The following EPC2 variants were observed in gnomAD, a reference collection of about 807,000 sequenced individuals.
EPC2 encodes enhancer of polycomb 2.
A neutral mutation model predicts 92.1 loss-of-function variants in EPC2; 14 were observed. That is an observed-to-expected ratio of 0.15 (90% CI 0.10 to 0.24). The LOEUF (loss-of-function observed/expected upper bound fraction) is 0.24. Among genes scored for constraint, EPC2 ranks in the 10% least tolerant of loss-of-function variants. The probability of loss-of-function intolerance (pLI) is 1.00; values close to 1 mark genes in which losing one functional copy is unlikely to be tolerated. For missense variants in EPC2, 755 were observed against 971.5 expected (o/e 0.78, Z 2.96); for synonymous variants, 340 against 334.7 (o/e 1.02, Z -0.17).
At position 148,745,723 on chromosome 2, in the gene EPC2, C is replaced by T. The variant is rs187973842; in HGVS notation, c.459+1956C>T. ...AGATAACAAAGGGCTATCTTCATTC[C>T]ATTCCCTGATCTGTTAATTTATGGA... On this transcript the variant is annotated intron_variant, in intron 3 of 13. Transcript: ENST00000258484. 3.9e-5 allele frequency among the ~76,000 whole-genome samples: 6 copies of T among 152,192 alleles called. No individual in the cohort carries two copies. In the East Asian group the frequency reaches 1.2e-3, roughly 29 times the overall value.
At chr2:148,710,939 C>T (rs955478154) in intron 2 of EPC2, among the ~76,000 whole-genome samples, 1 of 152,106 alleles carries the variant, frequency 6.6e-6, no homozygotes, top group Non-Finnish European at 1.5e-5. Context: ...CATACACACA[C>T]ACAATCTCCC....
In EPC2 at chr2:148,743,674, G is replaced by A; in HGVS notation, c.366G>A (p.Glu122=). The stretch of plus-strand genomic sequence containing the variant: ...ATTATGATATGGATTCAGAAGATGA[G>A]ACTTTATTAAATAGACTTAACAGAA... ...QPDYDMDSED[E]TLLNRLNRKM... is the part of the protein sequence containing the mutation. Residue 122 remains glutamate (E), a synonymous_variant, in exon 3 of 14, where the codon GAG becomes GAA. Transcript: ENST00000258484. 1 of 1,601,950 alleles carries A rather than the reference G, an allele frequency of 6.2e-7. No individual in the cohort carries two copies. Among genetic ancestry groups the A allele is most frequent in the Non-Finnish European group, 8.5e-7 (1 of 1,174,820 alleles).
At chr2:148,748,968 A>C (rs997203856) in intron 3 of EPC2, among the ~76,000 whole-genome samples, 17 of 152,108 alleles carry the variant, frequency 1.1e-4, no homozygotes, top group African/African-American at 3.6e-4. Context: ...CATCTTCTTA[A>C]AAAAGAAAAA....
chr2:148,666,479 C>A (rs763240879), intron 1 of EPC2, among the ~76,000 whole-genome samples: 1 of 152,162 alleles, frequency 6.6e-6, no homozygotes, highest in Non-Finnish European at 1.5e-5. Flanking sequence ...TAATTTATTG[C>A]ATACCGATAC....
Position 148,762,723 on chromosome 2 carries a change from G to C in EPC2, c.869G>C (p.Arg290Thr). 6.2e-7 allele frequency: 1 copy of C among 1,610,362 alleles called. No individual in the cohort carries two copies. Among genetic ancestry groups the C allele is most frequent in the Non-Finnish European group, 8.5e-7 (1 of 1,178,190 alleles). Residue 290 changes from arginine (R) to threonine (T), a missense_variant, in exon 6 of 14, where the codon AGA (arginine) becomes ACA (threonine). Coordinates refer to ENST00000258484, the MANE Select transcript of EPC2 (RefSeq NM_015630.4). ...ATCCTTAATGAAGTAAAAATCAGTA[G>C]ATCAGAAAAAGAGTTATATGCCACT... is the stretch of plus-strand genomic sequence containing the variant. The part of the protein sequence containing the change: ...GEILNEVKIS[R>T]SEKELYATPA...
intron 2 of EPC2, among the ~76,000 whole-genome samples, chr2:148,735,428 T>C (rs1009558963): frequency 3.3e-5 from 5 of 152,056 alleles, no homozygotes; most frequent in Non-Finnish European, 5.9e-5. Flanking sequence ...GTAGATTACC[T>C]TTTCCTATCT....
intron 1 of EPC2, among the ~76,000 whole-genome samples, chr2:148,683,706 A>G (rs1681457853): frequency 6.6e-6 from 1 of 152,200 alleles, no homozygotes; most frequent in South Asian, 2.1e-4. Context: ...TGCAAATGCC[A>G]TTATTTCATT....
chr2:148,676,744 C>T (rs925468858), intron 1 of EPC2, among the ~76,000 whole-genome samples: 1 of 150,506 alleles, frequency 6.6e-6, no homozygotes, highest in African/African-American at 2.4e-5. Flanking sequence ...GTGTAATTTA[C>T]ATAAGTAATT....
intron 2 of EPC2, among the ~76,000 whole-genome samples, chr2:148,719,634 AC>A (rs1328990365): frequency 6.6e-6 from 1 of 151,974 alleles, no homozygotes; most frequent in Non-Finnish European, 1.5e-5. Context: ...GAGGGTGCTG[AC>A]CTATTGCCAC....
rs534917815 is a variant in EPC2, at chr2:148,776,489, G to A, written c.1720+5102G>A. On this transcript the variant is annotated intron_variant, in intron 10 of 13. Coordinates refer to ENST00000258484, the MANE Select transcript of EPC2 (RefSeq NM_015630.4). ...TTTGTTAGTTTGTCTTTCACTGTAA[G>A]AGTTACATTTGTAAGATGTATATAG... 4.6e-5 allele frequency among the ~76,000 whole-genome samples: 7 copies of A among 152,190 alleles called. 1 individual carries two copies. The South Asian group carries it at 1.5e-3, about 32-fold the overall frequency.
intron 11 of EPC2, among the ~76,000 whole-genome samples, chr2:148,782,316 C>CAGG (rs1238270253): frequency 1.3e-5 from 2 of 152,080 alleles, no homozygotes; most frequent in African/African-American, 4.8e-5. Flanking sequence ...GCGGGCAGAT[C>CAGG]ACTTGGGGTC....
At chr2:148,683,764 A>C (rs964054248) in intron 1 of EPC2, among the ~76,000 whole-genome samples, 3 of 151,600 alleles carry the variant, frequency 2.0e-5, no homozygotes, top group African/African-American at 7.3e-5. Context: ...CACCACATTC[A>C]CTCCTTAGTT....
rs182359419 is a variant in EPC2, at chr2:148,777,185, A to G, written c.1721-4459A>G. Among the ~76,000 whole-genome samples the G allele has an allele frequency of 2.1e-4, 32 of 151,410 alleles. 1 individual carries two copies. Among genetic ancestry groups the G allele is most frequent in the African/African-American group, 6.5e-4 (27 of 41,278 alleles). On this transcript the variant is annotated intron_variant, in intron 10 of 13. Transcript: ENST00000258484. The stretch of plus-strand genomic sequence containing the variant: ...AAAGACACTGTCTCTTAAAAAAGAG[A>G]AAAAAAAAGAAAAGACACTCTTGTA...
chr2:148,654,948 A>G (rs1680761319), intron 1 of EPC2, among the ~76,000 whole-genome samples: 1 of 152,148 alleles, frequency 6.6e-6, no homozygotes, highest in Admixed American at 6.5e-5. Context: ...TAGTGATGAA[A>G]ATCTATGCAG....
intron 1 of EPC2, among the ~76,000 whole-genome samples, chr2:148,661,811 C>T (rs1222949340): frequency 6.6e-6 from 1 of 152,002 alleles, no homozygotes; most frequent in Non-Finnish European, 1.5e-5. Context: ...ATATGATTTT[C>T]CCCTTAGGTG....
chr2:148,693,731 T>G (rs992004035), intron 2 of EPC2, among the ~76,000 whole-genome samples: 9 of 152,160 alleles, frequency 5.9e-5, no homozygotes, highest in African/African-American at 2.2e-4. Context: ...AATAATGAGA[T>G]CTTTGTAGCT....
At chr2:148,774,227 G>C (rs920294846) in intron 10 of EPC2, among the ~76,000 whole-genome samples, 2 of 152,150 alleles carry the variant, frequency 1.3e-5, no homozygotes, top group South Asian at 4.2e-4. Flanking sequence ...TTAAAAAGAG[G>C]GCTGCATCTT....
chr2:148,767,050 TAGCC>T (rs1683423337), intron 7 of EPC2, among the ~76,000 whole-genome samples: 1 of 151,862 alleles, frequency 6.6e-6, no homozygotes, highest in African/African-American at 2.4e-5. Context: ...GTAGAAAAAT[TAGCC>T]AGGCGTGGTG....
At chr2:148,672,148 A>G (rs917586228) in intron 1 of EPC2, among the ~76,000 whole-genome samples, 6 of 152,186 alleles carry the variant, frequency 3.9e-5, no homozygotes, top group Admixed American at 6.5e-5. Context: ...AGTACTTAAA[A>G]GTAAGTCTTA....
Sources: allele counts gnomAD v4.1 joint callset (sites outside exome capture counted in the v4.1 genomes callset), GRCh38; gene constraint gnomAD v4.1.1; transcripts MANE v1.5; gene names NCBI Gene and HGNC (gene_info 2026-07-23, HGNC 2026-07-21).